LRRC38: variants seen among roughly 807,000 people sequenced by gnomAD.
LRRC38 encodes the protein leucine-rich repeat-containing protein 38.
A neutral mutation model predicts 16.4 loss-of-function variants in LRRC38; 5 were observed. That is an observed-to-expected ratio of 0.31 (90% CI 0.16 to 0.64). LRRC38 has a LOEUF of 0.64. Among genes scored for constraint, LRRC38 ranks in the 30% least tolerant of loss-of-function variants. The pLI is 0.80. For missense variants in LRRC38, 341 were observed against 401.8 expected, an observed-to-expected ratio of 0.85 and a Z score of 1.29; for synonymous variants, 191 against 190.2, an observed-to-expected ratio of 1.00 and a Z score of -0.04.
intron 1 of LRRC38, among the ~76,000 whole-genome samples, chr1:13,488,352 A>G (rs545150499): frequency 1.3e-5 from 2 of 148,654 alleles, no homozygotes; most frequent in East Asian, 4.0e-4. Flanking sequence ...GCTCACTGCA[A>G]CCTCCGCCTC....
In LRRC38 at chr1:13,475,923, C is replaced by T. The variant is rs764763258; in HGVS notation, c.808G>A (p.Ala270Thr). 1.0e-5 allele frequency: 16 copies of T among 1,550,430 alleles called. No homozygotes were observed. The highest frequency in any genetic ancestry group is 4.1e-5 in the African/African-American group (3 of 73,018). Residue 270 changes from alanine (A) to threonine (T), a missense_variant, in exon 2 of 2, where the codon GCC becomes ACC. Physicochemically the swap from Ala to Thr is moderately conservative, Grantham distance 58. Transcript: ENST00000376085. The surrounding 1 kb of genome is among the most constrained non-coding windows in gnomAD (Gnocchi z 4.3). Reference protein sequence around the residue: ...IAAIISSFFLATVVQCLQRCA... With the variant: ...IAAIISSFFLTTVVQCLQRCA... ...CTCTGGAGGCACTGCACCACAGTGG[C>T]CAGGAAGAAGCTGGAGATGATGGCC...
chr1:13,498,187 G>C (rs896477129), intron 1 of LRRC38, among the ~76,000 whole-genome samples: 1 of 151,824 alleles, frequency 6.6e-6, no homozygotes. Flanking sequence ...TCAGGGGAGA[G>C]GAGCCTGCTC....
intron 1 of LRRC38, among the ~76,000 whole-genome samples, chr1:13,501,355 T>C (rs1351110276): frequency 6.6e-6 from 1 of 152,174 alleles, no homozygotes; most frequent in Non-Finnish European, 1.5e-5. Context: ...CTTTACTGTC[T>C]GCTTAATTTT....
At chr1:13,489,270 A>G (rs1638978468) in intron 1 of LRRC38, among the ~76,000 whole-genome samples, 1 of 152,220 alleles carries the variant, frequency 6.6e-6, no homozygotes, top group African/African-American at 2.4e-5. Context: ...CTATGCTGGT[A>G]GAACAGCTTC....
chr1:13,486,061 C>T (rs576956121), intron 1 of LRRC38, among the ~76,000 whole-genome samples: 1 of 152,296 alleles, frequency 6.6e-6, no homozygotes, highest in South Asian at 2.1e-4. Context: ...GTCTCAGCCT[C>T]CCGAATAGCT....
chr1:13,494,528 T>G (rs1639058712), intron 1 of LRRC38, among the ~76,000 whole-genome samples: 1 of 151,936 alleles, frequency 6.6e-6, no homozygotes, highest in Admixed American at 6.6e-5. Flanking sequence ...ATAAGAAAAC[T>G]GAAGCACATA....
chr1:13,497,962 C>CAAAAAAA (rs370605050), intron 1 of LRRC38, among the ~76,000 whole-genome samples: 57 of 68,728 alleles, frequency 8.3e-4, no homozygotes, highest in East Asian at 1.9e-3. Flanking sequence ...AACTCCATCA[C>CAAAAAAA]AAAAAAAAAA....
Position 13,513,684 on chromosome 1 carries a change from G to GGGCGCGGGGAGCCAGAGGGC in LRRC38, c.-111_-92dup. On this transcript the variant is annotated 5_prime_UTR_variant, in exon 1 of 2. Coordinates refer to ENST00000376085, the MANE Select transcript of LRRC38 (RefSeq NM_001010847.2). ...ACGGCGCGGTGAGGCACTGGCTGCC[G>GGGCGCGGGGAGCCAGAGGGC]GGCGCGGGGAGCCAGAGGGCGGCCC... 1 of 903,868 alleles carries GGGCGCGGGGAGCCAGAGGGC rather than the reference G, an allele frequency of 1.1e-6. No homozygotes were observed. Among genetic ancestry groups the GGGCGCGGGGAGCCAGAGGGC allele is most frequent in the Non-Finnish European group, 1.3e-6 (1 of 750,158 alleles). 56.0% of individuals were successfully genotyped at this position (903,868 alleles called of 1,614,324 possible). A position where few individuals can be genotyped will look rare whatever the true frequency, so the allele number is the denominator to read the frequency against.
intron 1 of LRRC38, among the ~76,000 whole-genome samples, chr1:13,491,353 G>T (rs557791516): frequency 7.2e-5 from 11 of 151,968 alleles, no homozygotes; most frequent in Non-Finnish European, 1.5e-4. Flanking sequence ...TTTTAGACAG[G>T]GTCTTACTCT....
In LRRC38 at chr1:13,476,046, G is replaced by A. The variant is rs868399001; in HGVS notation, c.685C>T (p.Arg229Cys). The change falls in exon 2 of 2, where the codon CGT becomes TGT. Residue 229 changes from arginine to cysteine, a missense_variant. Transcript: ENST00000376085. ...LPMESRRISLRELSEASFSEC... is the reference protein window; with the variant it reads ...LPMESRRISLCELSEASFSEC... ...CTGAAGCTGGCCTCCGACAGCTCAC[G>A]CAGGGATATCCTCCTGCTCTCCATG... The A allele has an allele frequency of 7.6e-5, 118 of 1,550,398 alleles. No homozygotes were observed. The African/African-American group carries it at 1.3e-3, about 17-fold the overall frequency.
chr1:13,508,827 TCA>T, intron 1 of LRRC38, among the ~76,000 whole-genome samples: 3 of 152,194 alleles, frequency 2.0e-5, no homozygotes, highest in Non-Finnish European at 2.9e-5. Flanking sequence ...CAAGAACTCC[TCA>T]TTCCTCTGAC....
intron 1 of LRRC38, 100 bp from the exon 2 acceptor site, chr1:13,476,199 C>A: frequency 1.8e-6 from 2 of 1,097,498 alleles, no homozygotes; most frequent in Non-Finnish European, 2.6e-6. Flanking sequence ...AATGTGCAAG[C>A]ATCCTCCCAA....
At chr1:13,484,735 CCT>C (rs1286563357) in intron 1 of LRRC38, among the ~76,000 whole-genome samples, 13 of 152,246 alleles carry the variant, frequency 8.5e-5, no homozygotes, top group African/African-American at 3.1e-4. Context: ...CATCAGCCAA[CCT>C]CTCTTGCAGC....
intron 1 of LRRC38, among the ~76,000 whole-genome samples, chr1:13,499,999 C>A (rs898964786): frequency 6.6e-6 from 1 of 151,942 alleles, no homozygotes; most frequent in African/African-American, 2.4e-5. Flanking sequence ...GCCTGTAATC[C>A]CAGCACTTTG....
chr1:13,492,426 T>C (rs1463863129), intron 1 of LRRC38, among the ~76,000 whole-genome samples: 1 of 151,786 alleles, frequency 6.6e-6, no homozygotes, highest in Admixed American at 6.6e-5. Flanking sequence ...TTTGGCCGGG[T>C]GCGGTGGCTT....
chr1:13,509,420 G>A (rs902949005), intron 1 of LRRC38, among the ~76,000 whole-genome samples: 1 of 152,236 alleles, frequency 6.6e-6, no homozygotes, highest in East Asian at 1.9e-4. Context: ...GCCAAGCCCA[G>A]AGTCCAGTGA....
In LRRC38 at chr1:13,475,478, A is replaced by C. The variant is rs1444424917; in HGVS notation, c.*368T>G. ...ATGATCTCCCAGTACAGGTCAGAAA[A>C]AGAATGGCGTAAAATCATCTTTGCC... On this transcript the variant is annotated 3_prime_UTR_variant, in exon 2 of 2. Coordinates refer to ENST00000376085, the MANE Select transcript of LRRC38 (RefSeq NM_001010847.2). The surrounding 1 kb of genome is among the most constrained non-coding windows in gnomAD (Gnocchi z 4.3). 1.3e-5 allele frequency: 3 copies of C among 233,014 alleles called. No homozygotes were observed. In the Admixed American group the frequency reaches 1.5e-4, roughly 12 times the overall value. 14.4% of individuals were successfully genotyped at this position (233,014 alleles called of 1,614,324 possible).
Position 13,488,097 on chromosome 1 carries a change from A to G in LRRC38, c.632-11998T>C, listed in dbSNP as rs138536332. ...CTACCAAGCAGAAATGCACTCCACC[A>G]CTCTGTCGGATAACCATACTGGGAA... On this transcript the variant is annotated intron_variant, in intron 1 of 1. Transcript: ENST00000376085. 6.3e-3 allele frequency among the ~76,000 whole-genome samples: 946 copies of G among 150,772 alleles called. 11 individuals carry two copies. Among genetic ancestry groups the G allele is most frequent in the African/African-American group, 0.022 (885 of 40,956 alleles).
At chr1:13,488,968 G>A (rs368049365) in intron 1 of LRRC38, among the ~76,000 whole-genome samples, 50 of 152,250 alleles carry the variant, frequency 3.3e-4, no homozygotes, top group African/African-American at 1.2e-3. Flanking sequence ...AAGAATGTGG[G>A]CAAGGCTGTT....
Sources: allele counts gnomAD v4.1 joint callset (sites outside exome capture counted in the v4.1 genomes callset), GRCh38; gene constraint gnomAD v4.1.1; non-coding constraint Gnocchi (gnomAD v3.1); transcripts MANE v1.5; gene names NCBI Gene and HGNC (gene_info 2026-07-23, HGNC 2026-07-21).